Variants in NAALADL2 observed in about 807,000 individuals in gnomAD.
NAALADL2 encodes the protein N-acetylated alpha-linked acidic dipeptidase like 2.
In NAALADL2, 76 loss-of-function variants were observed where a neutral mutation model predicts 87.2. The ratio of observed to expected loss-of-function variants is 0.87; its 90% CI spans 0.72 to 1.05. NAALADL2 has a LOEUF of 1.05. Among genes scored for constraint, NAALADL2 ranks in the 50% least tolerant of loss-of-function variants. The probability of loss-of-function intolerance (pLI) is 0.00; values close to 1 mark genes in which losing one functional copy is unlikely to be tolerated. For synonymous variants in NAALADL2, 354 were observed against 331.0 expected (o/e 1.07, Z -0.75); for missense variants, 1,089 against 945.8 (o/e 1.15, Z -1.99).
rs1247771882 is a variant in NAALADL2 at position 174,652,792 on chromosome 3, A to C, written c.-114-84849A>C. The stretch of plus-strand genomic sequence containing the variant: ...AAAAGACATCATTAAGATAGAAGGA[A>C]AACCACTGAGAGAAGATATTTATAA... On this transcript the variant is annotated intron_variant, in intron 2 of 3. Coordinates refer to the NAALADL2 transcript ENST00000434257. 2.6e-5 allele frequency among the ~76,000 whole-genome samples: 4 copies of C among 152,196 alleles called. 1 individual carries two copies. The highest frequency in any genetic ancestry group is 1.5e-5 in the Non-Finnish European group (1 of 68,036).
chr3:174,903,831 A>G (rs1043009489), intron 1 of NAALADL2, among the ~76,000 whole-genome samples: 9 of 151,762 alleles, frequency 5.9e-5, no homozygotes, highest in African/African-American at 2.2e-4. Flanking sequence ...AAACTTTTTC[A>G]CAGTCATTTT....
Position 174,958,153 on chromosome 3 carries a change from T to C in NAALADL2, c.43+98703T>C, listed in dbSNP as rs1040282744. Among the ~76,000 whole-genome samples, 5 of 151,234 alleles carry C rather than the reference T, an allele frequency of 3.3e-5. No homozygotes were observed. In the East Asian group the frequency reaches 5.8e-4, roughly 18 times the overall value. On this transcript the variant is annotated intron_variant, in intron 1 of 13. Coordinates refer to ENST00000454872, the MANE Select transcript of NAALADL2 (RefSeq NM_207015.3). ...TCCAGACTTTTTTTTTTTCAGTTTCTTTATTCCTTTATTATAATTACTTAT... is the reference window on the plus strand; with the variant it reads ...TCCAGACTTTTTTTTTTTCAGTTTCCTTATTCCTTTATTATAATTACTTAT...
chr3:174,600,796 ACAAC>A (rs996041221), intron 2 of NAALADL2, among the ~76,000 whole-genome samples: 1 of 152,094 alleles, frequency 6.6e-6, no homozygotes, highest in African/African-American at 2.4e-5. Flanking sequence ...ACAATTTTAA[ACAAC>A]CAGATCTCCT....
At chr3:175,475,024 T>TAAACAC (rs1725481284) in intron 9 of NAALADL2, among the ~76,000 whole-genome samples, 2 of 149,612 alleles carry the variant, frequency 1.3e-5, no homozygotes, top group Non-Finnish European at 3.0e-5. Context: ...AACATTTAAG[T>TAAACAC]ACACACACAC....
intron 1 of NAALADL2, among the ~76,000 whole-genome samples, chr3:174,890,381 A>G (rs1385642389): frequency 6.6e-6 from 1 of 152,180 alleles, no homozygotes; most frequent in Non-Finnish European, 1.5e-5. Flanking sequence ...CTTATCCTGG[A>G]TGAGTTCAAA....
intron 1 of NAALADL2, among the ~76,000 whole-genome samples, chr3:174,870,984 A>G (rs1457670819): frequency 6.6e-6 from 1 of 152,112 alleles, no homozygotes; most frequent in East Asian, 1.9e-4. Context: ...TGATATTTCC[A>G]TCATACCTAC....
intron 7 of NAALADL2, among the ~76,000 whole-genome samples, chr3:175,464,310 G>A (rs185321291): frequency 1.3e-5 from 2 of 152,018 alleles, no homozygotes; most frequent in Admixed American, 1.3e-4. Flanking sequence ...GTCACCTGCA[G>A]CTACTCAGGA....
intron 1 of NAALADL2, among the ~76,000 whole-genome samples, chr3:174,458,849 C>A (rs1203167176): frequency 6.6e-6 from 1 of 152,120 alleles, no homozygotes; most frequent in Admixed American, 6.6e-5. Flanking sequence ...TAGACTATAG[C>A]CTCATCTCCT....
At chr3:174,820,956 A>G (rs1257533070) in intron 3 of NAALADL2, among the ~76,000 whole-genome samples, 2 of 152,208 alleles carry the variant, frequency 1.3e-5, no homozygotes, top group Non-Finnish European at 2.9e-5. Flanking sequence ...TATCCAGACA[A>G]CTGAACTCAC....
chr3:174,799,998 A>G (rs1416468136), intron 3 of NAALADL2, among the ~76,000 whole-genome samples: 2 of 152,176 alleles, frequency 1.3e-5, no homozygotes, highest in Non-Finnish European at 2.9e-5. Flanking sequence ...GATATAGGGT[A>G]TCTGGCAGAA....
chr3:174,592,425 T>C (rs1182278846), intron 2 of NAALADL2, among the ~76,000 whole-genome samples: 1 of 152,080 alleles, frequency 6.6e-6, no homozygotes, highest in Non-Finnish European at 1.5e-5. Context: ...GCTTTAGTTT[T>C]AGGCCATCCT....
Position 175,337,621 on chromosome 3 carries a change from C to A in NAALADL2, c.1090+13296C>A, listed in dbSNP as rs544472980. 1.1e-4 allele frequency among the ~76,000 whole-genome samples: 16 copies of A among 152,200 alleles called. No homozygotes were observed. In the East Asian group the frequency reaches 2.9e-3, roughly 28 times the overall value. On this transcript the variant is annotated intron_variant, in intron 5 of 13. Coordinates refer to ENST00000454872, the MANE Select transcript of NAALADL2 (RefSeq NM_207015.3). ...CAATACCTTCATCTTGAACTTATAGCCTCCAGAATTTTGAAGACATAAATT... is the reference window on the plus strand; with the variant it reads ...CAATACCTTCATCTTGAACTTATAGACTCCAGAATTTTGAAGACATAAATT...
chr3:175,685,474 G>GTGTGTGTA (rs1553949928), intron 11 of NAALADL2, among the ~76,000 whole-genome samples: 27 of 151,718 alleles, frequency 1.8e-4, no homozygotes, highest in Non-Finnish European at 2.9e-4. Context: ...GTGTGTGTGT[G>GTGTGTGTA]TGTGTGTGTG....
intron 2 of NAALADL2, among the ~76,000 whole-genome samples, chr3:174,702,897 A>G (rs995175621): frequency 2.0e-5 from 3 of 152,190 alleles, no homozygotes; most frequent in African/African-American, 7.2e-5. Flanking sequence ...GATGCTTCCT[A>G]TAAGGGAAAA....
rs73882425 is a variant in NAALADL2, at chr3:174,556,500, C to T, written c.-115+5863C>T. Among the ~76,000 whole-genome samples, 1,029 of 148,618 alleles carry T rather than the reference C, an allele frequency of 6.9e-3. 5 individuals are homozygous for T. The highest frequency in any genetic ancestry group is 0.025 in the African/African-American group (998 of 40,476). ...TTGTGAAAAACATTTTGACGTGTTT[C>T]TTAAGAAGAAAAGAATGCATTCTCT... On this transcript the variant is annotated intron_variant, in intron 2 of 3. Transcript: ENST00000434257.
At chr3:175,088,057 A>C (rs1010062497) in intron 1 of NAALADL2, among the ~76,000 whole-genome samples, 28 of 152,288 alleles carry the variant, frequency 1.8e-4, no homozygotes, top group Admixed American at 1.3e-4. Flanking sequence ...TAATTCACTT[A>C]AACTATTTTT....
intron 3 of NAALADL2, among the ~76,000 whole-genome samples, chr3:174,825,709 G>A (rs552566652): frequency 1.3e-4 from 20 of 152,072 alleles, no homozygotes; most frequent in African/African-American, 4.1e-4. Flanking sequence ...TCAAATTTTC[G>A]CTGTTTAATT....
At chr3:175,634,776 G>T (rs1285565853) in intron 11 of NAALADL2, among the ~76,000 whole-genome samples, 1 of 151,882 alleles carries the variant, frequency 6.6e-6, no homozygotes, top group African/African-American at 2.4e-5. Context: ...CTGTGTATTT[G>T]TACATTTGAG....
At chr3:174,939,332 T>C (rs1738220884) in intron 1 of NAALADL2, among the ~76,000 whole-genome samples, 1 of 152,096 alleles carries the variant, frequency 6.6e-6, no homozygotes, top group South Asian at 2.1e-4. Context: ...TGTGGCCTTA[T>C]TTCTGGACTC....
Sources: gnomAD v4.1 joint callset for allele counts (sites outside exome capture counted in the v4.1 genomes callset) on GRCh38, gnomAD v4.1.1 for gene constraint, MANE v1.5 for transcripts, NCBI Gene and HGNC (gene_info 2026-07-23, HGNC 2026-07-21) for gene names.